The following ATP7B variants were observed in gnomAD, a reference collection of about 807,000 sequenced individuals.
The protein encoded by ATP7B is copper-transporting ATPase 2.
A neutral mutation model predicts 118.9 loss-of-function variants in ATP7B; 113 were observed. The observed-to-expected ratio is 0.95, with a 90% CI of 0.82 to 1.11. ATP7B has a LOEUF of 1.11. ATP7B is among the 50% of genes most tolerant of loss of function. The probability of loss-of-function intolerance (pLI) is 0.00; values close to 1 mark genes in which losing one functional copy is unlikely to be tolerated. For missense variants in ATP7B, 1,867 were observed against 1,871.4 expected (o/e 1.00, Z 0.04); for synonymous variants, 777 against 727.4 (o/e 1.07, Z -1.10).
intron 1 of ATP7B, among the ~76,000 whole-genome samples, chr13:51,976,004 C>G (rs887314054): frequency 6.6e-6 from 1 of 152,220 alleles, no homozygotes. Context: ...ATTAAAGAAC[C>G]TGTTTTCTTA....
chr13:51,964,902 G>C lies in ATP7B; in HGVS notation c.1839C>G (p.Ile613Met), dbSNP rs370476756. 2.5e-6 allele frequency: 4 copies of C among 1,614,100 alleles called. No individual in the cohort carries two copies. Among genetic ancestry groups the C allele is most frequent in the Non-Finnish European group, 3.4e-6 (4 of 1,180,022 alleles). ...TAATTTTGATAATATCCCGTGGACCGATAATTTCCGGGTCAAACTTAACAA... is the reference window on the plus strand; with the variant it reads ...TAATTTTGATAATATCCCGTGGACCCATAATTTCCGGGTCAAACTTAACAA... ...KALVKFDPEIIGPRDIIKIIE... is the reference protein window; with the variant it reads ...KALVKFDPEIMGPRDIIKIIE... Residue 613 changes from isoleucine (I) to methionine (M), a missense_variant, in exon 5 of 21, where the codon ATC becomes ATG. Coordinates refer to ENST00000242839, the MANE Select transcript of ATP7B (RefSeq NM_000053.4).
At position 51,946,292 on chromosome 13, in the gene ATP7B, C is replaced by A; in HGVS notation, c.3052G>T (p.Ala1018Ser). ...CCGTGCTACAGGCTGACCTTGTGCG[C>A]CATCTCCAGGGGCTTGCCTCCCTTG... is the stretch of plus-strand genomic sequence containing the variant. ...LIKGGKPLEMAHKIKTVMFDK... is the reference protein window; with the variant it reads ...LIKGGKPLEMSHKIKTVMFDK... The change falls in exon 13 of 21, where the codon GCG (alanine) becomes TCG (serine). Residue 1018 changes from alanine to serine, a missense_variant. Coordinates refer to ENST00000242839, the MANE Select transcript of ATP7B (RefSeq NM_000053.4). 1 of 1,586,546 alleles carries A rather than the reference C, an allele frequency of 6.3e-7. No homozygotes were observed. Among genetic ancestry groups the A allele is most frequent in the South Asian group, 1.1e-5 (1 of 87,994 alleles).
At chr13:51,940,333 G>A (rs1008567476) in intron 16 of ATP7B, among the ~76,000 whole-genome samples, 3 of 144,542 alleles carry the variant, frequency 2.1e-5, no homozygotes, top group Non-Finnish European at 4.6e-5. Flanking sequence ...CTTGAGACCT[G>A]TACTCTGTGC....
intron 9 of ATP7B, among the ~76,000 whole-genome samples, chr13:51,950,888 G>A (rs1957960511): frequency 6.6e-6 from 1 of 152,116 alleles, no homozygotes; most frequent in Non-Finnish European, 1.5e-5. Flanking sequence ...CAGGCAGGAA[G>A]GGTGCGTCTG....
intron 8 of ATP7B, 164 bp from the exon 9 acceptor site, chr13:51,957,771 C>T (rs1958452026): frequency 6.0e-6 from 4 of 669,520 alleles, no homozygotes; most frequent in Admixed American, 2.1e-5. Flanking sequence ...ATCCACCACA[C>T]ATGGCCACAT....
At position 51,953,641 on chromosome 13, in the gene ATP7B, A is replaced by G. The variant is rs756483370; in HGVS notation, c.2448-3242T>C. Among the ~76,000 whole-genome samples, 53 of 152,156 alleles carry G rather than the reference A, an allele frequency of 3.5e-4. 1 individual carries two copies. Among genetic ancestry groups the G allele is most frequent in the Non-Finnish European group, 1.0e-4 (7 of 68,024 alleles). On this transcript the variant is annotated intron_variant, in intron 9 of 20. Coordinates refer to ENST00000242839, the MANE Select transcript of ATP7B (RefSeq NM_000053.4). The stretch of plus-strand genomic sequence containing the variant: ...AGCTACTATTCCTCTCCAAGTGCTG[A>G]GCGATAGGAACCCTCTTAATTAAAA...
At chr13:51,960,629 G>C (rs1159050963) in intron 6 of ATP7B, among the ~76,000 whole-genome samples, 1 of 152,134 alleles carries the variant, frequency 6.6e-6, no homozygotes, top group East Asian at 1.9e-4. Flanking sequence ...TGAGAATCTA[G>C]CCCCAAAGGT....
intron 2 of ATP7B, 71 bp downstream of exon 2, chr13:51,973,864 C>T (rs2140061788): frequency 6.2e-7 from 1 of 1,607,234 alleles, no homozygotes; most frequent in Admixed American, 1.7e-5. Flanking sequence ...ACCTATACCA[C>T]CATCCAGGAG....
Position 51,961,863 on chromosome 13 carries a change from G to A in ATP7B, c.1920C>T (p.His640=). The change falls in exon 6 of 21, where the codon CAC becomes CAT. Residue 640 remains histidine, a synonymous_variant. Transcript: ENST00000242839. ...GCTTTATTTCCATCTTGTGGTCCAA[G>A]TGATGAGCGTTGGGGTTTCTCTGGG... ...SLAQRNPNAH[H]LDHKMEIKQW... The A allele has an allele frequency of 6.2e-7, 1 of 1,614,036 alleles. No individual in the cohort carries two copies. The highest frequency in any genetic ancestry group is 8.5e-7 in the Non-Finnish European group (1 of 1,179,950).
chr13:51,951,189 A>AAGAAATACAC (rs1158422814), intron 9 of ATP7B, among the ~76,000 whole-genome samples: 2 of 152,052 alleles, frequency 1.3e-5, no homozygotes, highest in African/African-American at 4.8e-5. Flanking sequence ...AGAGAGGGAG[A>AAGAAATACAC]AGAAATACAC....
In ATP7B at chr13:51,950,016, C is replaced by T; in HGVS notation, c.2721G>A (p.Gln907=). Residue 907 remains glutamine, a synonymous_variant, in exon 11 of 21, where the codon CAG becomes CAA. Coordinates refer to ENST00000242839, the MANE Select transcript of ATP7B (RefSeq NM_000053.4). ...AAAATTTCTTCATTACCTTTGACAT[C>T]TGAGCCTCTTCCACCAGTTTCACAA... ...AQIVKLVEEA[Q]MSKAPIQQLA... The T allele has an allele frequency of 6.2e-7, 1 of 1,614,232 alleles. No homozygotes were observed. The highest frequency in any genetic ancestry group is 8.5e-7 in the Non-Finnish European group (1 of 1,180,040).
At chr13:51,995,629 A>G (rs768685612) in intron 1 of ATP7B, among the ~76,000 whole-genome samples, 2 of 152,176 alleles carry the variant, frequency 1.3e-5, no homozygotes, top group Non-Finnish European at 2.9e-5. Context: ...GTTAGAGAGA[A>G]ATGCTTTAGA....
In ATP7B at chr13:51,944,230, C is replaced by T; in HGVS notation, c.3122G>A (p.Arg1041Gln). 6 of 1,614,104 alleles carry T rather than the reference C, an allele frequency of 3.7e-6. No individual in the cohort carries two copies. Among genetic ancestry groups the T allele is most frequent in the East Asian group, 2.2e-5 (1 of 44,872 alleles). Residue 1041 changes from arginine (R) to glutamine (Q), a missense_variant, in exon 14 of 21, where the codon CGG becomes CAG. By Grantham distance (43) the Arg-to-Gln change is conservative (BLOSUM62 1). Transcript: ENST00000242839. ...TITHGVPRVMRVLLLGDVATL... is the reference protein window; with the variant it reads ...TITHGVPRVMQVLLLGDVATL... ...GGCCACATCCCCCAGCAGGAGCACC[C>T]GCATGACCCTGGGGACGCCATGGGT...
chr13:51,960,019 G>A, intron 7 of ATP7B, 129 bp downstream of exon 7: 2 of 1,298,018 alleles, frequency 1.5e-6, no homozygotes, highest in South Asian at 2.5e-5. Context: ...TGCCTGGGTG[G>A]GGCAGGAAAG....
chr13:51,962,774 T>C (rs767304451), intron 5 of ATP7B, among the ~76,000 whole-genome samples: 1 of 151,976 alleles, frequency 6.6e-6, no homozygotes, highest in South Asian at 2.1e-4. Context: ...CTGGGTAGCA[T>C]AGAAGCAAGT....
chr13:51,955,106 G>A (rs1405076413), intron 9 of ATP7B, among the ~76,000 whole-genome samples: 1 of 152,246 alleles, frequency 6.6e-6, no homozygotes, highest in Non-Finnish European at 1.5e-5. Flanking sequence ...GGGATGGTCA[G>A]AGGAAGAAGC....
intron 9 of ATP7B, 36 bp downstream of exon 9, chr13:51,957,480 T>C: frequency 6.3e-7 from 1 of 1,586,314 alleles, no homozygotes. Context: ...GATTGATAGA[T>C]ACCAACCACA....
In ATP7B at chr13:51,934,592, A is replaced by G; in HGVS notation, c.*164T>C. 1 of 1,181,800 alleles carries G rather than the reference A, an allele frequency of 8.5e-7. No homozygotes were observed. Among genetic ancestry groups the G allele is most frequent in the Non-Finnish European group, 1.2e-6 (1 of 835,872 alleles). 73.2% of individuals were successfully genotyped at this position (1,181,800 alleles called of 1,614,324 possible). On this transcript the variant is annotated 3_prime_UTR_variant, in exon 21 of 21. Coordinates refer to ENST00000242839, the MANE Select transcript of ATP7B (RefSeq NM_000053.4). The stretch of plus-strand genomic sequence containing the variant: ...TCCTCTCCAGGCCAAGCCCAGCTGC[A>G]CCCAGACAAGGCCGCGTGCTGCAGG...
chr13:51,968,863 CTTTT>C (rs201291586), intron 3 of ATP7B, among the ~76,000 whole-genome samples: 2 of 128,646 alleles, frequency 1.6e-5, no homozygotes, highest in Non-Finnish European at 1.7e-5. Context: ...TTTCTTTTTT[CTTTT>C]TTTTTTTTTT....
Sources: allele counts gnomAD v4.1 joint callset (sites outside exome capture counted in the v4.1 genomes callset), GRCh38; gene constraint gnomAD v4.1.1; transcripts MANE v1.5; gene names NCBI Gene and HGNC (gene_info 2026-07-23, HGNC 2026-07-21).